Variants in DNAAF9 observed in about 807,000 individuals in gnomAD.
DNAAF9 encodes the protein shulin.
DNAAF9 carries 90 observed loss-of-function variants against 167.0 expected under a neutral mutation model. The ratio of observed to expected loss-of-function variants is 0.54; its 90% CI spans 0.45 to 0.64. DNAAF9 has a LOEUF of 0.64. Ranked by LOEUF, DNAAF9 falls within the 30% of genes least tolerant of loss-of-function variation. DNAAF9 has a pLI of 0.00. For synonymous variants in DNAAF9, 491 were observed against 508.8 expected (o/e 0.96, Z 0.47); for missense variants, 1,315 against 1,442.2 (o/e 0.91, Z 1.43).
chr20:3,298,653 T>A (rs1313734230), intron 21 of DNAAF9, among the ~76,000 whole-genome samples: 3 of 152,160 alleles, frequency 2.0e-5, no homozygotes, highest in Non-Finnish European at 4.4e-5. Flanking sequence ...AAATGTCATC[T>A]CAAAATTCAC....
Position 3,262,762 on chromosome 20 carries a change from G to A in DNAAF9, c.2873+1676C>T, listed in dbSNP as rs147644316. On this transcript the variant is annotated intron_variant, in intron 31 of 36. Transcript: ENST00000252032. ...AGTGGCTGTAGCCACTGGAAAGAAG[G>A]TTCCCCCAGAAGCTCCATTTGTTTA... Among the ~76,000 whole-genome samples the A allele has an allele frequency of 1.1e-3, 167 of 152,212 alleles. No homozygotes were observed. The Middle Eastern group carries it at 0.014, about 12-fold the overall frequency.
At chr20:3,318,250 A>G (rs1175954606) in intron 17 of DNAAF9, 39 bp downstream of exon 17, 3 of 806,022 alleles carry the variant, frequency 3.7e-6, no homozygotes, top group Admixed American at 2.4e-5. Context: ...AAAAAAAAAA[A>G]GGCTTAAGGT....
chr20:3,297,428 G>A lies in DNAAF9; in HGVS notation c.1930-479C>T, dbSNP rs201895542. 8.5e-5 allele frequency among the ~76,000 whole-genome samples: 13 copies of A among 152,290 alleles called. No homozygotes were observed. The East Asian group carries it at 2.5e-3, about 29-fold the overall frequency. ...TATACTATAGCCAAGGTCAACTCTT[G>A]CATCCTCTATGGTCTGCGAATCTGA... On this transcript the variant is annotated intron_variant, in intron 22 of 36. Coordinates refer to ENST00000252032, the MANE Select transcript of DNAAF9 (RefSeq NM_001009984.3).
intron 20 of DNAAF9, among the ~76,000 whole-genome samples, chr20:3,312,131 G>C (rs779502645): frequency 1.2e-4 from 18 of 152,052 alleles, no homozygotes; most frequent in Non-Finnish European, 2.4e-4. Context: ...TGGGATTACA[G>C]GCATGCGTCA....
chr20:3,288,084 C>A (rs908768600), intron 26 of DNAAF9, among the ~76,000 whole-genome samples: 2 of 152,246 alleles, frequency 1.3e-5, no homozygotes, highest in African/African-American at 4.8e-5. Flanking sequence ...AAGACTCCTT[C>A]TGACCAGGCA....
intron 7 of DNAAF9, among the ~76,000 whole-genome samples, chr20:3,349,058 C>T (rs145796259): frequency 9.6e-4 from 146 of 151,924 alleles, no homozygotes; most frequent in African/African-American, 3.4e-3. Context: ...CCAAATAAAG[C>T]CATTTAAAAG....
intron 6 of DNAAF9, among the ~76,000 whole-genome samples, chr20:3,365,298 A>G (rs2083416622): frequency 6.6e-6 from 1 of 152,040 alleles, no homozygotes; most frequent in South Asian, 2.1e-4. Context: ...TAAGACAACA[A>G]TGAAGTTTGT....
At chr20:3,281,959 A>G (rs1228052781) in intron 27 of DNAAF9, among the ~76,000 whole-genome samples, 193 bp from the exon 28 acceptor site, 1 of 152,214 alleles carries the variant, frequency 6.6e-6, no homozygotes, top group Admixed American at 6.5e-5. Flanking sequence ...TACATTCCCA[A>G]GTTCCATTAG....
intron 8 of DNAAF9, among the ~76,000 whole-genome samples, chr20:3,346,280 A>T (rs185300686): frequency 9.5e-4 from 144 of 152,210 alleles, no homozygotes; most frequent in African/African-American, 3.4e-3. Context: ...ATATGCACTC[A>T]CCTTTTGACC....
intron 5 of DNAAF9, among the ~76,000 whole-genome samples, chr20:3,374,577 T>C (rs957936867): frequency 2.0e-5 from 3 of 152,202 alleles, no homozygotes; most frequent in Admixed American, 6.5e-5. Context: ...TTGTTAACAA[T>C]AGCTTCAATG....
chr20:3,338,648 AT>A (rs140772082), intron 10 of DNAAF9, among the ~76,000 whole-genome samples: 1,283 of 121,776 alleles, frequency 0.011, 6 homozygotes, highest in East Asian at 0.021. Context: ...TTCTTGGATG[AT>A]TTTTTTTTTT....
chr20:3,371,957 G>A (rs748577009), intron 6 of DNAAF9, among the ~76,000 whole-genome samples: 4 of 152,102 alleles, frequency 2.6e-5, no homozygotes, highest in Admixed American at 6.6e-5. Context: ...CTGCTTCCCA[G>A]GAAGAAAAAA....
intron 20 of DNAAF9, among the ~76,000 whole-genome samples, chr20:3,307,515 C>T (rs1285184843): frequency 1.3e-5 from 2 of 152,068 alleles, no homozygotes; most frequent in African/African-American, 4.8e-5. Flanking sequence ...GGTCTGAGGG[C>T]CATACCTTTG....
intron 1 of DNAAF9, among the ~76,000 whole-genome samples, chr20:3,404,724 T>C (rs2084033070): frequency 6.6e-6 from 1 of 152,234 alleles, no homozygotes; most frequent in South Asian, 2.1e-4. Context: ...ATAATTTATA[T>C]AAATAAACAG....
chr20:3,257,639 G>C (rs537285393), intron 33 of DNAAF9, among the ~76,000 whole-genome samples: 1 of 151,900 alleles, frequency 6.6e-6, no homozygotes, highest in African/African-American at 2.4e-5. Flanking sequence ...CGCCTCCTGG[G>C]TTCAAGTGAT....
intron 1 of DNAAF9, among the ~76,000 whole-genome samples, chr20:3,387,292 T>C (rs1276954516): frequency 6.6e-6 from 1 of 152,202 alleles, no homozygotes; most frequent in African/African-American, 2.4e-5. Flanking sequence ...AGTGGGATAC[T>C]GGCATAAGAC....
intron 1 of DNAAF9, among the ~76,000 whole-genome samples, 184 bp downstream of exon 1, chr20:3,407,291 G>C (rs981340021): frequency 6.6e-6 from 1 of 152,222 alleles, no homozygotes; most frequent in African/African-American, 2.4e-5. Context: ...TGTCCAAAGG[G>C]GAGCCATTGT....
intron 20 of DNAAF9, among the ~76,000 whole-genome samples, chr20:3,309,312 T>C (rs2123009077): frequency 1.3e-5 from 2 of 152,318 alleles, no homozygotes; most frequent in South Asian, 4.1e-4. Context: ...GTTTATGTCA[T>C]TTTTAATGCC....
intron 6 of DNAAF9, among the ~76,000 whole-genome samples, chr20:3,370,236 A>G (rs1437707239): frequency 6.6e-6 from 1 of 152,080 alleles, no homozygotes; most frequent in Admixed American, 6.6e-5. Flanking sequence ...CTTGCCTTTC[A>G]GTTTATTTAT....
Sources: allele counts gnomAD v4.1 joint callset (sites outside exome capture counted in the v4.1 genomes callset), GRCh38; gene constraint gnomAD v4.1.1; transcripts MANE v1.5; gene names NCBI Gene and HGNC (gene_info 2026-07-23, HGNC 2026-07-21).